Variants in GALNT10 observed in about 807,000 individuals in gnomAD.
GALNT10 encodes the protein polypeptide N-acetylgalactosaminyltransferase 10, also known as GalNAc transferase 10.
In GALNT10, 41 loss-of-function variants were observed where a neutral mutation model predicts 75.0. That is an observed-to-expected ratio of 0.55 (90% confidence interval 0.43 to 0.71). The LOEUF is 0.71. GALNT10 is among the 30% of genes least tolerant of loss of function. The pLI, the probability that GALNT10 is intolerant of heterozygous loss-of-function variation, is 0.00. For synonymous variants in GALNT10, 302 were observed against 313.0 expected, an observed-to-expected ratio of 0.96 and a Z score of 0.37; for missense variants, 727 against 818.5, an observed-to-expected ratio of 0.89 and a Z score of 1.36.
At chr5:154,254,657 C>T (rs6872724) in intron 1 of GALNT10, among the ~76,000 whole-genome samples, 9,778 of 151,836 alleles carry the variant, frequency 0.064, 864 homozygotes, top group African/African-American at 0.2. Context: ...ACTTTTATGC[C>T]GAGTGGTAAT....
intron 4 of GALNT10, chr5:154,338,319 A>G (rs1014511395): frequency 7.4e-6 from 4 of 541,550 alleles, no homozygotes; most frequent in African/African-American, 1.9e-5. Flanking sequence ...ACCATTCCCC[A>G]TTGCTCAAAA....
At chr5:154,213,940 G>A (rs536361627) in intron 1 of GALNT10, among the ~76,000 whole-genome samples, 66 of 152,258 alleles carry the variant, frequency 4.3e-4, no homozygotes, top group African/African-American at 1.5e-3. Flanking sequence ...GGTCTCTTTT[G>A]CAAGAAGGAC....
intron 1 of GALNT10, among the ~76,000 whole-genome samples, chr5:154,265,345 G>A (rs1463933225): frequency 2.6e-5 from 4 of 152,138 alleles, no homozygotes; most frequent in East Asian, 1.9e-4. Flanking sequence ...ACCTCAGAAT[G>A]TCTTCAATTT....
At chr5:154,203,458 A>G (rs981283696) in intron 1 of GALNT10, among the ~76,000 whole-genome samples, 2 of 152,170 alleles carry the variant, frequency 1.3e-5, no homozygotes, top group Non-Finnish European at 2.9e-5. Flanking sequence ...AGTGATGGGG[A>G]ACTCACCTCC....
intron 4 of GALNT10, among the ~76,000 whole-genome samples, chr5:154,361,041 A>G (rs941456894): frequency 1.3e-5 from 2 of 151,922 alleles, no homozygotes; most frequent in African/African-American, 4.9e-5. Flanking sequence ...GAGAGAATAT[A>G]TGGGACTCTT....
At position 154,416,628 on chromosome 5, in the gene GALNT10, G is replaced by A. The variant is rs1019643420; in HGVS notation, c.1654-186G>A. Among the ~76,000 whole-genome samples, 4 of 151,978 alleles carry A rather than the reference G, an allele frequency of 2.6e-5. No homozygotes were observed. Among genetic ancestry groups the A allele is most frequent in the African/African-American group, 9.7e-5 (4 of 41,350 alleles). ...CCCAGCGGGCAGAACCCAGTCCCAC[G>A]GCAATACCAGCTGCAAGGGAGGCTG... is the stretch of plus-strand genomic sequence containing the variant. On this transcript the variant is annotated intron_variant, in intron 11 of 11. Coordinates refer to ENST00000297107, the MANE Select transcript of GALNT10 (RefSeq NM_198321.4). This position sits in a 1 kb window ranked among gnomAD's most constrained non-coding sequence, Gnocchi z 4.5.
At chr5:154,375,436 T>C (rs1439889075) in intron 4 of GALNT10, among the ~76,000 whole-genome samples, 1 of 152,242 alleles carries the variant, frequency 6.6e-6, no homozygotes, top group Non-Finnish European at 1.5e-5. Flanking sequence ...CTGTCTTTGA[T>C]ATTTATTCAA....
intron 1 of GALNT10, among the ~76,000 whole-genome samples, chr5:154,194,660 T>C (rs1255613511): frequency 2.6e-5 from 4 of 152,222 alleles, no homozygotes; most frequent in Non-Finnish European, 4.4e-5. Flanking sequence ...GGCCTTGGAT[T>C]CCTCATCTGC....
In GALNT10 at chr5:154,380,442, C is replaced by T. The variant is rs79448179; in HGVS notation, c.755-6C>T. 3.3e-4 allele frequency: 524 copies of T among 1,611,700 alleles called. 3 individuals carry two copies. The African/African-American group carries it at 5.9e-3, about 18-fold the overall frequency. ...TCATCTGATAGGCATCTCTTGGCTT[C>T]TTCAGACCGCATTGCTCGGAACCGC... On this transcript the variant is annotated splice_region_variant and splice_polypyrimidine_tract_variant and intron_variant, in intron 5 of 11. Coordinates refer to ENST00000297107, the MANE Select transcript of GALNT10 (RefSeq NM_198321.4).
At chr5:154,321,436 T>A (rs1673358732) in intron 3 of GALNT10, among the ~76,000 whole-genome samples, 1 of 152,016 alleles carries the variant, frequency 6.6e-6, no homozygotes, top group South Asian at 2.1e-4. Flanking sequence ...GCCTCCCAAG[T>A]AGCTACAACT....
chr5:154,318,601 A>G (rs1754631524), intron 3 of GALNT10, among the ~76,000 whole-genome samples: 1 of 152,210 alleles, frequency 6.6e-6, no homozygotes, highest in African/African-American at 2.4e-5. Context: ...TGACAATTAA[A>G]TGACTTAATG....
At chr5:154,346,680 A>G (rs554656028) in intron 4 of GALNT10, among the ~76,000 whole-genome samples, 1 of 152,316 alleles carries the variant, frequency 6.6e-6, no homozygotes, top group South Asian at 2.1e-4. Flanking sequence ...TCCTATAGGT[A>G]GTACTGCTTT....
At chr5:154,243,121 A>C (rs146714093) in intron 1 of GALNT10, among the ~76,000 whole-genome samples, 62 of 152,268 alleles carry the variant, frequency 4.1e-4, no homozygotes, top group African/African-American at 1.5e-3. Flanking sequence ...ATGAGATAGC[A>C]TCAGCCCTCA....
chr5:154,386,385 A>G lies in GALNT10; in HGVS notation c.1011A>G (p.Pro337=), dbSNP rs764657373. The change falls in exon 7 of 12, where the codon CCA becomes CCG. Residue 337 remains proline, a synonymous_variant. Coordinates refer to ENST00000297107, the MANE Select transcript of GALNT10 (RefSeq NM_198321.4). ...KWFWELGGYD[P]GLEIWGGEQY... Reference sequence around the variant, plus strand: ...TCTGGGAACTCGGCGGGTATGACCCAGGCTTGGAGATCTGGGGAGGGGAGC... The same window carrying G: ...TCTGGGAACTCGGCGGGTATGACCCGGGCTTGGAGATCTGGGGAGGGGAGC... 4.3e-6 allele frequency: 7 copies of G among 1,613,982 alleles called. No individual in the cohort carries two copies. In the South Asian group the frequency reaches 6.6e-5, roughly 15 times the overall value.
intron 1 of GALNT10, among the ~76,000 whole-genome samples, chr5:154,237,388 GT>G (rs1160747170): frequency 2.0e-5 from 3 of 151,712 alleles, no homozygotes; most frequent in South Asian, 2.1e-4. Flanking sequence ...AAGTTGTGGG[GT>G]TTTTTTTTGT....
intron 1 of GALNT10, among the ~76,000 whole-genome samples, chr5:154,205,256 AG>A (rs1775088992): frequency 6.6e-6 from 1 of 152,232 alleles, no homozygotes; most frequent in Non-Finnish European, 1.5e-5. Flanking sequence ...AATCAGAAGC[AG>A]CTCCTGTCCT....
intron 1 of GALNT10, among the ~76,000 whole-genome samples, chr5:154,202,894 G>A (rs34164492): frequency 0.38 from 56,984 of 151,936 alleles, 12,535 homozygotes; most frequent in East Asian, 0.83. Context: ...TCTCCCTTTC[G>A]CAGCCTAGAC....
At chr5:154,191,176 G>C (rs1774853454) in intron 1 of GALNT10, 151 bp downstream of exon 1, 1 of 542,822 alleles carries the variant, frequency 1.8e-6, no homozygotes, top group Non-Finnish European at 2.9e-6. Flanking sequence ...GGAAAATTAA[G>C]TCCTGTCGGG....
intron 4 of GALNT10, among the ~76,000 whole-genome samples, chr5:154,342,240 G>GC (rs902005958): frequency 6.6e-6 from 1 of 152,192 alleles, no homozygotes; most frequent in Non-Finnish European, 1.5e-5. Flanking sequence ...CAATGAGGAC[G>GC]TACAAGAGGG....
Sources: gnomAD v4.1 joint callset for allele counts (sites outside exome capture counted in the v4.1 genomes callset) on GRCh38, gnomAD v4.1.1 for gene constraint, Gnocchi (gnomAD v3.1) non-coding constraint, MANE v1.5 for transcripts, NCBI Gene and HGNC (gene_info 2026-07-23, HGNC 2026-07-21) for gene names.